The following KDM2A variants were observed in gnomAD, a reference collection of about 807,000 sequenced individuals.
The protein encoded by KDM2A is lysine demethylase 2A.
KDM2A carries 3 observed loss-of-function variants against 137.3 expected under a neutral mutation model. The ratio of observed to expected loss-of-function variants is 0.02; its 90% CI spans 0.01 to 0.06. The LOEUF (loss-of-function observed/expected upper bound fraction) is 0.06. Among genes scored for constraint, KDM2A ranks in the 10% least tolerant of loss-of-function variants. The pLI is 1.00. For synonymous variants in KDM2A, 512 were observed against 541.5 expected, an observed-to-expected ratio of 0.95 and a Z score of 0.76; for missense variants, 738 against 1,510.6, an observed-to-expected ratio of 0.49 and a Z score of 8.48.
At chr11:67,215,674 GAAA>G in intron 7 of KDM2A, 179 bp from the exon 8 acceptor site, 1 of 524,934 alleles carries the variant, frequency 1.9e-6, no homozygotes, top group East Asian at 3.3e-5. Context: ...CAATACGGTA[GAAA>G]AAAAAAAAAC....
intron 3 of KDM2A, among the ~76,000 whole-genome samples, chr11:67,180,841 T>C (rs1857076212): frequency 6.6e-6 from 1 of 151,776 alleles, no homozygotes; most frequent in African/African-American, 2.4e-5. Flanking sequence ...TTTATACTTT[T>C]AGTAGAGACG....
intron 2 of KDM2A, among the ~76,000 whole-genome samples, chr11:67,140,317 G>A (rs566075301): frequency 2.2e-4 from 33 of 152,058 alleles, no homozygotes; most frequent in African/African-American, 7.7e-4. Context: ...AGTGAGCTTT[G>A]ATTACGCCAC....
intron 6 of KDM2A, among the ~76,000 whole-genome samples, chr11:67,213,851 A>G (rs1456575697): frequency 6.6e-6 from 1 of 151,138 alleles, no homozygotes; most frequent in East Asian, 1.9e-4. Flanking sequence ...TGAAGTAGTT[A>G]TCTTAGTTTT....
At chr11:67,205,774 G>C (rs1448639939) in intron 5 of KDM2A, among the ~76,000 whole-genome samples, 2 of 151,996 alleles carry the variant, frequency 1.3e-5, no homozygotes, top group Non-Finnish European at 2.9e-5. Context: ...GCACCACCGT[G>C]CCCGGCCAGA....
intron 2 of KDM2A, among the ~76,000 whole-genome samples, chr11:67,123,399 T>A (rs1470996813): frequency 6.6e-6 from 1 of 151,682 alleles, no homozygotes; most frequent in Non-Finnish European, 1.5e-5. Flanking sequence ...TGTTCCCAGT[T>A]CATGTGTTGA....
At chr11:67,150,320 GTTTTC>G (rs1856356787) in intron 2 of KDM2A, among the ~76,000 whole-genome samples, 1 of 152,152 alleles carries the variant, frequency 6.6e-6, no homozygotes, top group African/African-American at 2.4e-5. Context: ...AAAAAATGAT[GTTTTC>G]TTTTCTCAAA....
At chr11:67,235,854 G>C (rs1422916142) in intron 12 of KDM2A, among the ~76,000 whole-genome samples, 1 of 150,274 alleles carries the variant, frequency 6.7e-6, no homozygotes, top group Non-Finnish European at 1.5e-5. Flanking sequence ...TCCTGACCTT[G>C]CGATCCACCT....
chr11:67,140,658 C>G (rs1334822313), intron 2 of KDM2A, among the ~76,000 whole-genome samples: 1 of 152,046 alleles, frequency 6.6e-6, no homozygotes, highest in Non-Finnish European at 1.5e-5. Context: ...GAGGCTGGAG[C>G]AGGAGAGTTG....
rs749515965 is a variant in KDM2A at position 67,181,838 on chromosome 11, T to C, written c.261-8T>C. 6.8e-6 allele frequency: 11 copies of C among 1,613,576 alleles called. No individual in the cohort carries two copies. Among genetic ancestry groups the C allele is most frequent in the Non-Finnish European group, 9.3e-6 (11 of 1,179,528 alleles). ...TTCCATATATACTTACTGGTGTTTGTTTCATAGAATGCCGGATCCAGACTT... is the reference window on the plus strand; with the variant it reads ...TTCCATATATACTTACTGGTGTTTGCTTCATAGAATGCCGGATCCAGACTT... On this transcript the variant is annotated splice_region_variant and splice_polypyrimidine_tract_variant and intron_variant, in intron 4 of 20. Coordinates refer to ENST00000529006, the MANE Select transcript of KDM2A (RefSeq NM_012308.3).
intron 5 of KDM2A, among the ~76,000 whole-genome samples, chr11:67,206,078 G>A (rs959069464): frequency 6.6e-5 from 10 of 152,106 alleles, no homozygotes; most frequent in African/African-American, 2.4e-4. Flanking sequence ...TTCTCCACAA[G>A]ATATTAATGT....
intron 5 of KDM2A, among the ~76,000 whole-genome samples, chr11:67,203,787 ATTCT>A (rs981525496): frequency 1.7e-4 from 26 of 149,110 alleles, no homozygotes; most frequent in African/African-American, 5.7e-4. Flanking sequence ...TTTCCTCTAC[ATTCT>A]TTTTTTTTTT....
At position 67,121,246 on chromosome 11, in the gene KDM2A, G is replaced by T. The variant is rs1855591781; in HGVS notation, c.-71G>T. 1.7e-6 allele frequency: 2 copies of T among 1,148,330 alleles called. No homozygotes were observed. Among genetic ancestry groups the T allele is most frequent in the Non-Finnish European group, 2.6e-6 (2 of 761,154 alleles). 71.1% of individuals were successfully genotyped at this position (1,148,330 alleles called of 1,614,324 possible). A position where few individuals can be genotyped will look rare whatever the true frequency, so the allele number is the denominator to read the frequency against. On this transcript the variant is annotated 5_prime_UTR_variant, in exon 2 of 21. Transcript: ENST00000529006. ...CATTATTCTTTAGTGTTGCAATCTG[G>T]TTCCTAAGGAGGAAGAGGAAGGCAG...
At chr11:67,167,460 C>T (rs763725562) in intron 2 of KDM2A, among the ~76,000 whole-genome samples, 1 of 152,070 alleles carries the variant, frequency 6.6e-6, no homozygotes, top group East Asian at 1.9e-4. Flanking sequence ...GTAAGTGTAT[C>T]CCGACTCTTT....
At chr11:67,253,689 A>G in intron 19 of KDM2A, 78 bp downstream of exon 19, 1 of 1,462,876 alleles carries the variant, frequency 6.8e-7, no homozygotes, top group South Asian at 1.2e-5. Context: ...TTCAGAAGCT[A>G]AGGTAGTCTC....
chr11:67,135,066 T>TC (rs1176490105), intron 2 of KDM2A, among the ~76,000 whole-genome samples: 1 of 151,872 alleles, frequency 6.6e-6, no homozygotes, highest in Non-Finnish European at 1.5e-5. Flanking sequence ...GATAAGATTT[T>TC]CTTTTTTTTT....
intron 2 of KDM2A, among the ~76,000 whole-genome samples, chr11:67,152,327 T>G (rs1856410764): frequency 6.7e-6 from 1 of 149,914 alleles, no homozygotes; most frequent in African/African-American, 2.5e-5. Context: ...AAAAATTAAT[T>G]TCCCTGGGTT....
At chr11:67,183,494 A>G (rs1156688473) in intron 5 of KDM2A, among the ~76,000 whole-genome samples, 3 of 152,200 alleles carry the variant, frequency 2.0e-5, no homozygotes, top group African/African-American at 4.8e-5. Context: ...CTCCTTACCT[A>G]GACAATAATT....
chr11:67,157,317 CAAAAAAA>C (rs1228008293), intron 2 of KDM2A, among the ~76,000 whole-genome samples: 1 of 42,370 alleles, frequency 2.4e-5, no homozygotes, highest in African/African-American at 6.3e-5. Context: ...ACTCCCGTCT[CAAAAAAA>C]AAAAAAACAA....
chr11:67,184,765 T>A (rs1857166784), intron 5 of KDM2A, among the ~76,000 whole-genome samples: 1 of 152,112 alleles, frequency 6.6e-6, no homozygotes, highest in African/African-American at 2.4e-5. Flanking sequence ...ACGGTCAGGC[T>A]CAGAGAAGAC....
Sources: allele counts gnomAD v4.1 joint callset (sites outside exome capture counted in the v4.1 genomes callset), GRCh38; gene constraint gnomAD v4.1.1; transcripts MANE v1.5; gene names NCBI Gene and HGNC (gene_info 2026-07-23, HGNC 2026-07-21).